Variants in ZFHX2 observed in about 807,000 individuals in gnomAD.
ZFHX2 encodes zinc finger homeobox 2.
In ZFHX2, 75 loss-of-function variants were observed where a neutral mutation model predicts 164.8. That is an observed-to-expected ratio of 0.46 (90% CI 0.38 to 0.55). The LOEUF is 0.55. Ranked by LOEUF, ZFHX2 falls within the 20% of genes least tolerant of loss-of-function variation. The probability of loss-of-function intolerance (pLI) is 0.00; values close to 1 mark genes in which losing one functional copy is unlikely to be tolerated. For synonymous variants in ZFHX2, 1,217 were observed against 1,351.4 expected (o/e 0.90, Z 2.18); for missense variants, 2,933 against 3,308.0 (o/e 0.89, Z 2.78).
At chr14:23,543,204 C>T (rs144733745) in intron 1 of ZFHX2, 6 of 152,348 alleles carry the variant, frequency 3.9e-5, no homozygotes, top group African/African-American at 1.2e-4. Flanking sequence ...GCTAGGCCCT[C>T]GGCAAGTATC....
At chr14:23,548,333 G>C (rs1311059509) in intron 1 of ZFHX2, 1 of 152,188 alleles carries the variant, frequency 6.6e-6, no homozygotes, top group Non-Finnish European at 1.5e-5. Flanking sequence ...GTTGTTCTGA[G>C]CTGGGAAGAG....
chr14:23,531,138 G>A lies in ZFHX2; in HGVS notation c.2800+343C>T, dbSNP rs118185283. 1.1e-3 allele frequency: 220 copies of A among 197,728 alleles called. 2 individuals are homozygous for A. The East Asian group carries it at 0.02, about 18-fold the overall frequency. The allele number at this position is 197,728 out of a possible 1,614,324, so 12.2% of individuals were successfully genotyped here. On this transcript the variant is annotated intron_variant, in intron 4 of 9. Transcript: ENST00000419474. ...GAAGCCCTGGCCCAGCACAAAACAG[G>A]TTCTCTCTCCTTCCTACCCAGCTCC...
In ZFHX2 at chr14:23,525,051, G is replaced by C; in HGVS notation, c.4891C>G (p.Leu1631Val). 3 of 1,536,196 alleles carry C rather than the reference G, an allele frequency of 2.0e-6. No individual in the cohort carries two copies. The highest frequency in any genetic ancestry group is 2.6e-6 in the Non-Finnish European group (3 of 1,146,912). ...KDGEVERLAS[L>V]LGLASRVVVV... is the part of the protein sequence containing the mutation. Reference sequence around the variant, plus strand: ...ACCACACGGCTAGCCAGACCCAACAGACTTGCGAGTCGCTCCACCTCTCCG... The same window carrying C: ...ACCACACGGCTAGCCAGACCCAACACACTTGCGAGTCGCTCCACCTCTCCG... The change falls in exon 9 of 10, where the codon CTG (leucine) becomes GTG (valine). Residue 1631 changes from leucine to valine, a missense_variant. Leu to Val is a conservative substitution (Grantham distance 32). Transcript: ENST00000419474. The surrounding 1 kb of genome is among the most constrained non-coding windows in gnomAD (Gnocchi z 5.9).
rs1189354903 is a variant in ZFHX2 at position 23,521,811 on chromosome 14, G to A, written c.*151C>T. 1 of 1,343,490 alleles carries A rather than the reference G, an allele frequency of 7.4e-7. No homozygotes were observed. 83.2% of individuals were successfully genotyped at this position (1,343,490 alleles called of 1,614,324 possible). ...CAGGACTCTGCTGGAAGTGGGGTGT[G>A]TGGTGCCCACTGAGGGTGGGAACTG... On this transcript the variant is annotated 3_prime_UTR_variant, in exon 10 of 10. Transcript: ENST00000419474.
upstream of ZFHX2, among the ~76,000 whole-genome samples, chr14:23,553,066 A>T (rs546245969): frequency 6.6e-6 from 1 of 152,354 alleles, no homozygotes; most frequent in South Asian, 2.1e-4. Context: ...GTGAATTAAC[A>T]GGCCCAAGGT....
chr14:23,523,278 G>C lies in ZFHX2; in HGVS notation c.6664C>G (p.Arg2222Gly). 1 of 1,437,576 alleles carries C rather than the reference G, an allele frequency of 7.0e-7. No individual in the cohort carries two copies. The highest frequency in any genetic ancestry group is 9.1e-7 in the Non-Finnish European group (1 of 1,100,016). 89.1% of individuals were successfully genotyped at this position (1,437,576 alleles called of 1,614,324 possible). A position where few individuals can be genotyped will look rare whatever the true frequency, so the allele number is the denominator to read the frequency against. Reference protein sequence around the residue: ...MPLGAAPTLPRLAPVLLSGPA... With the variant: ...MPLGAAPTLPGLAPVLLSGPA... Reference sequence around the variant, plus strand: ...CCAGATAAGAGGACCGGCGCCAGGCGAGGCAAGGTTGGGGCAGCCCCGAGG... The same window carrying C: ...CCAGATAAGAGGACCGGCGCCAGGCCAGGCAAGGTTGGGGCAGCCCCGAGG... The change falls in exon 9 of 10, where the codon CGC becomes GGC. Residue 2222 changes from arginine (R) to glycine (G), a missense_variant. By Grantham distance (125) the Arg-to-Gly change is moderately radical. Transcript: ENST00000419474. This position sits in a 1 kb window ranked among gnomAD's most constrained non-coding sequence, Gnocchi z 4.1.
In ZFHX2 at chr14:23,521,763, T is replaced by C. The variant is rs1486333424; in HGVS notation, c.*199A>G. 2 of 900,932 alleles carry C rather than the reference T, an allele frequency of 2.2e-6. No individual in the cohort carries two copies. The highest frequency in any genetic ancestry group is 1.7e-5 in the African/African-American group (1 of 59,064). 55.8% of individuals were successfully genotyped at this position (900,932 alleles called of 1,614,324 possible). A position where few individuals can be genotyped will look rare whatever the true frequency, so the allele number is the denominator to read the frequency against. ...AGCTGAGGAGGAGGATCAATGTGTG[T>C]GTCTGTGGGGATTGGGAGGAGGCAG... On this transcript the variant is annotated 3_prime_UTR_variant, in exon 10 of 10. Coordinates refer to ENST00000419474, the MANE Select transcript of ZFHX2 (RefSeq NM_033400.3).
Position 23,521,831 on chromosome 14 carries a change from G to A in ZFHX2, c.*131C>T. The A allele has an allele frequency of 1.4e-6, 2 of 1,446,276 alleles. No individual in the cohort carries two copies. The highest frequency in any genetic ancestry group is 1.4e-5 in the South Asian group (1 of 69,998). 89.6% of individuals were successfully genotyped at this position (1,446,276 alleles called of 1,614,324 possible). ...GGTGTGTGGTGCCCACTGAGGGTGGGAACTGAACAGTTCCTGTGAGGTGGG... is the reference window on the plus strand; with the variant it reads ...GGTGTGTGGTGCCCACTGAGGGTGGAAACTGAACAGTTCCTGTGAGGTGGG... On this transcript the variant is annotated 3_prime_UTR_variant, in exon 10 of 10. Transcript: ENST00000419474.
Position 23,534,075 on chromosome 14 carries a change from C to A in ZFHX2, c.1251G>T (p.Gln417His). The A allele has an allele frequency of 6.6e-7, 1 of 1,518,344 alleles. No individual in the cohort carries two copies. The highest frequency in any genetic ancestry group is 1.2e-5 in the South Asian group (1 of 80,638). The allele number at this position is 1,518,344 out of a possible 1,614,324, so 94.1% of individuals were successfully genotyped here. ...GSPEDPSDPPQPYRLADDYTP... is the reference protein window; with the variant it reads ...GSPEDPSDPPHPYRLADDYTP... ...TGTAGTCATCAGCTAGGCGATAGGGCTGGGGTGGGTCACTGGGGTCTTCGG... is the reference window on the plus strand; with the variant it reads ...TGTAGTCATCAGCTAGGCGATAGGGATGGGGTGGGTCACTGGGGTCTTCGG... The change falls in exon 2 of 10, where the codon CAG becomes CAT. Residue 417 changes from glutamine to histidine, a missense_variant. Gln to His is a conservative substitution (Grantham distance 24). Coordinates refer to ENST00000419474, the MANE Select transcript of ZFHX2 (RefSeq NM_033400.3). The surrounding 1 kb of genome is among the most constrained non-coding windows in gnomAD (Gnocchi z 4.5).
Position 23,522,761 on chromosome 14 carries a change from T to G in ZFHX2, c.6920A>C (p.Asp2307Ala), listed in dbSNP as rs1878179487. Residue 2307 changes from aspartate to alanine, a missense_variant, in exon 10 of 10, where the codon GAC becomes GCC. By Grantham distance (126) the Asp-to-Ala change is moderately radical (BLOSUM62 -2). Coordinates refer to ENST00000419474, the MANE Select transcript of ZFHX2 (RefSeq NM_033400.3). ...TGGCTTTCGCTCACTGGAGACCTTG[T>G]CCCCCAAGGGCTCAGTAGGAGGGCC... is the stretch of plus-strand genomic sequence containing the variant. ...VPGPPTEPLG[D>A]KVSSERKPVA... 1 of 1,536,206 alleles carries G rather than the reference T, an allele frequency of 6.5e-7. No individual in the cohort carries two copies. The highest frequency in any genetic ancestry group is 2.4e-5 in the East Asian group (1 of 40,896).
chr14:23,537,531 C>T (rs1880317539), intron 1 of ZFHX2, among the ~76,000 whole-genome samples: 1 of 152,158 alleles, frequency 6.6e-6, no homozygotes, highest in Non-Finnish European at 1.5e-5. Flanking sequence ...CTTCCCTCCT[C>T]CTGGGGTTCT....
rs1393196479 is a variant in ZFHX2, at chr14:23,531,636, C to T, written c.2645G>A (p.Arg882His). 23 of 1,518,940 alleles carry T rather than the reference C, an allele frequency of 1.5e-5. No homozygotes were observed. The highest frequency in any genetic ancestry group is 1.7e-4 in the Middle Eastern group (1 of 5,956). 94.1% of individuals were successfully genotyped at this position (1,518,940 alleles called of 1,614,324 possible). A position where few individuals can be genotyped will look rare whatever the true frequency, so the allele number is the denominator to read the frequency against. Reference protein sequence around the residue: ...CLLCAWETPSRLAVLQHLRTP... With the variant: ...CLLCAWETPSHLAVLQHLRTP... ...GCGCAGGTGTTGCAGCACAGCCAAG[C>T]GGGAGGGTGTCTCCCACGCACACAA... is the stretch of plus-strand genomic sequence containing the variant. Residue 882 changes from arginine to histidine, a missense_variant, in exon 4 of 10, where the codon CGC becomes CAC. Coordinates refer to ENST00000419474, the MANE Select transcript of ZFHX2 (RefSeq NM_033400.3).
rs1880061450 is a variant in ZFHX2 at position 23,535,688 on chromosome 14, G to A, written c.-49-314C>T. The stretch of plus-strand genomic sequence containing the variant: ...GCTCACCGCAACCTCCACCTCCTGG[G>A]TTCAAGTGATTCTCCTGCCTCAGCC... On this transcript the variant is annotated intron_variant, in intron 1 of 9. Transcript: ENST00000419474. The surrounding 1 kb of genome is among the most constrained non-coding windows in gnomAD (Gnocchi z 4.5). Among the ~76,000 whole-genome samples the A allele has an allele frequency of 6.6e-6, 1 of 152,074 alleles. No individual in the cohort carries two copies.
Position 23,524,751 on chromosome 14 carries a change from G to A in ZFHX2, c.5191C>T (p.Pro1731Ser), listed in dbSNP as rs755961978. The change falls in exon 9 of 10, where the codon CCT becomes TCT. Residue 1731 changes from proline to serine, a missense_variant. Transcript: ENST00000419474. This position sits in a 1 kb window ranked among gnomAD's most constrained non-coding sequence, Gnocchi z 5.6. ...GGAGGCTCTGGTAATGGGCCCTCAGGCCCTGCTGGAGGTTCAAGGCCCTGT... is the reference window on the plus strand; with the variant it reads ...GGAGGCTCTGGTAATGGGCCCTCAGACCCTGCTGGAGGTTCAAGGCCCTGT... The part of the protein sequence containing the change: ...EEQGLEPPAG[P>S]EGPLPEPPDG... 1 of 1,536,364 alleles carries A rather than the reference G, an allele frequency of 6.5e-7. No homozygotes were observed. The highest frequency in any genetic ancestry group is 1.2e-5 in the South Asian group (1 of 84,060).
chr14:23,543,014 C>A (rs1470468038), intron 1 of ZFHX2: 1 of 152,166 alleles, frequency 6.6e-6, no homozygotes. Context: ...TGAGCCACTG[C>A]GCCCGGCTGG....
In ZFHX2 at chr14:23,541,201, C is replaced by T. The variant is rs143863964; in HGVS notation, c.-49-5827G>A. 3.4e-3 allele frequency among the ~76,000 whole-genome samples: 515 copies of T among 151,936 alleles called. 3 individuals are homozygous for T. Among genetic ancestry groups the T allele is most frequent in the African/African-American group, 0.012 (491 of 41,408 alleles). On this transcript the variant is annotated intron_variant, in intron 1 of 9. Transcript: ENST00000419474. ...GATTACAGGTGTGAGCCACTGCGCC[C>T]GGCCTCTGTTCACCCCTTTCTTGAC...
Position 23,523,725 on chromosome 14 carries a change from T to A in ZFHX2, c.6217A>T (p.Ser2073Cys). ...TTCATGATCTTCAGCTGCAGGCTGCTCATCTGGGTCCTGTAGCGCCGCTGC... is the reference window on the plus strand; with the variant it reads ...TTCATGATCTTCAGCTGCAGGCTGCACATCTGGGTCCTGTAGCGCCGCTGC... Reference protein sequence around the residue: ...MGQRRYRTQMSSLQLKIMKAC... With the variant: ...MGQRRYRTQMCSLQLKIMKAC... The change falls in exon 9 of 10, where the codon AGC (serine) becomes TGC (cysteine). Residue 2073 changes from serine to cysteine, a missense_variant. Ser to Cys is a moderately radical substitution (Grantham distance 112, BLOSUM62 -1). Coordinates refer to ENST00000419474, the MANE Select transcript of ZFHX2 (RefSeq NM_033400.3). This position sits in a 1 kb window ranked among gnomAD's most constrained non-coding sequence, Gnocchi z 4.1. The A allele has an allele frequency of 6.5e-7, 1 of 1,536,358 alleles. No homozygotes were observed. The highest frequency in any genetic ancestry group is 8.7e-7 in the Non-Finnish European group (1 of 1,146,954).
rs1881978830 is a variant in ZFHX2 at position 23,551,762 on chromosome 14, G to GAAT, written c.-472_-470dup. 1.3e-5 allele frequency: 2 copies of GAAT among 152,928 alleles called. No individual in the cohort carries two copies. Among genetic ancestry groups the GAAT allele is most frequent in the African/African-American group, 4.8e-5 (2 of 41,390 alleles). 9.5% of individuals were successfully genotyped at this position (152,928 alleles called of 1,614,324 possible). Reference sequence around the variant, plus strand: ...TGGAGTCTAGGCGTCCCACACAATGGAATAATCAATACCCAGGCGCCCGGG... The same window carrying GAAT: ...TGGAGTCTAGGCGTCCCACACAATGGAATAATAATCAATACCCAGGCGCCCGGG... On this transcript the variant is annotated 5_prime_UTR_variant, in exon 1 of 10. Transcript: ENST00000419474. The surrounding 1 kb of genome is among the most constrained non-coding windows in gnomAD (Gnocchi z 5.3).
At chr14:23,554,335 G>A (rs1196855329), upstream of ZFHX2, among the ~76,000 whole-genome samples, 1 of 152,104 alleles carries the variant, frequency 6.6e-6, no homozygotes, top group Admixed American at 6.5e-5. Context: ...ACATGGAGTG[G>A]GGACAGAGGT....
Sources: allele counts gnomAD v4.1 joint callset (sites outside exome capture counted in the v4.1 genomes callset), GRCh38; gene constraint gnomAD v4.1.1; non-coding constraint Gnocchi (gnomAD v3.1); transcripts MANE v1.5; gene names NCBI Gene and HGNC (gene_info 2026-07-23, HGNC 2026-07-21).